FGD2: variants seen among roughly 807,000 people sequenced by gnomAD.
FGD2 encodes FYVE, RhoGEF and PH domain-containing protein 2.
FGD2 carries 52 observed loss-of-function variants against 75.9 expected under a neutral mutation model. The observed-to-expected ratio is 0.69, with a 90% CI of 0.55 to 0.86. The LOEUF is 0.86. Ranked by LOEUF, FGD2 falls within the 40% of genes least tolerant of loss-of-function variation. The probability of loss-of-function intolerance (pLI) is 0.00; values close to 1 mark genes in which losing one functional copy is unlikely to be tolerated. For synonymous variants in FGD2, 347 were observed against 348.6 expected, an observed-to-expected ratio of 1.00 and a Z score of 0.05; for missense variants, 790 against 872.0, an observed-to-expected ratio of 0.91 and a Z score of 1.18.
At chr6:37,019,482 C>A (rs1765459794) in intron 9 of FGD2, among the ~76,000 whole-genome samples, 1 of 152,200 alleles carries the variant, frequency 6.6e-6, no homozygotes, top group South Asian at 2.1e-4. Flanking sequence ...AAAGGCCTGG[C>A]CACCACATGG....
chr6:37,011,064 A>T lies in FGD2; in HGVS notation c.378+14A>T, dbSNP rs763857898. ...CTGCTAGACCAGGCCAGTGACCAGG[A>T]CACCCCCCTCTAGAGCCCCAGCCCT... On this transcript the variant is annotated intron_variant, in intron 3 of 15. Coordinates refer to ENST00000274963, the MANE Select transcript of FGD2 (RefSeq NM_173558.4). The T allele has an allele frequency of 6.2e-7, 1 of 1,613,648 alleles. No homozygotes were observed.
chr6:37,020,496 C>A (rs200949140), intron 9 of FGD2, 45 bp from the exon 10 acceptor site: 1 of 1,554,496 alleles, frequency 6.4e-7, no homozygotes, highest in Admixed American at 1.9e-5. Flanking sequence ...GCCTGGGACC[C>A]GGGCTATGAT....
In FGD2 at chr6:37,005,811, C is replaced by T. The variant is rs1431651502; in HGVS notation, c.-7C>T. 1.1e-5 allele frequency: 17 copies of T among 1,613,594 alleles called. No individual in the cohort carries two copies. The highest frequency in any genetic ancestry group is 1.4e-5 in the Non-Finnish European group (16 of 1,179,894). On this transcript the variant is annotated 5_prime_UTR_variant, in exon 1 of 16. Coordinates refer to ENST00000274963, the MANE Select transcript of FGD2 (RefSeq NM_173558.4). ...GGTAGCTGAGATCCACCCCGGAAAC[C>T]GGCAGGATGAAGGGGGCAAGTGAGG...
chr6:37,012,330 A>G (rs1765051084), intron 4 of FGD2, among the ~76,000 whole-genome samples: 1 of 152,222 alleles, frequency 6.6e-6, no homozygotes, highest in Admixed American at 6.5e-5. Context: ...GTCCTTTAAG[A>G]TCTTTGGCAA....
chr6:37,020,639 C>A lies in FGD2; in HGVS notation c.1202+19C>A, dbSNP rs773650260. On this transcript the variant is annotated intron_variant, in intron 10 of 15. Coordinates refer to ENST00000274963, the MANE Select transcript of FGD2 (RefSeq NM_173558.4). ...AAGCCCGGTAAAGGAGCTGGGGTGG[C>A]GGCCCAGGGCCAGGCGGGAAAACTG... 6.3e-5 allele frequency: 101 copies of A among 1,592,958 alleles called. 1 individual carries two copies. Among genetic ancestry groups the A allele is most frequent in the South Asian group, 2.6e-4 (23 of 87,664 alleles).
At chr6:37,015,078 G>A in intron 8 of FGD2, 40 bp downstream of exon 8, 4 of 1,595,186 alleles carry the variant, frequency 2.5e-6, no homozygotes, top group African/African-American at 1.3e-5. Context: ...ACTGGGGAGG[G>A]AAGTCCATGG....
chr6:37,011,371 G>A, intron 3 of FGD2: 1 of 549,310 alleles, frequency 1.8e-6, no homozygotes, highest in East Asian at 3.1e-5. Flanking sequence ...ACCTTTCATA[G>A]TTTTTCAGGA....
chr6:37,025,182 T>C (rs1456743286), intron 13 of FGD2: 1 of 153,238 alleles, frequency 6.5e-6, no homozygotes, highest in Non-Finnish European at 1.5e-5. Context: ...CTCCACAGAG[T>C]ACCCATGTAA....
At chr6:37,006,380 C>G (rs1764753351) in intron 1 of FGD2, among the ~76,000 whole-genome samples, 1 of 152,150 alleles carries the variant, frequency 6.6e-6, no homozygotes, top group Non-Finnish European at 1.5e-5. Context: ...TGATGGGGTA[C>G]TCCCTACTCT....
In FGD2 at chr6:37,027,951, A is replaced by G; in HGVS notation, c.1756A>G (p.Met586Val). ...CACTGCTCTCTCCTCCCCCCAGGAC[A>G]TGAGGGCTCACACCTCCATCCCCCT... is the stretch of plus-strand genomic sequence containing the variant. ...VLYVYAAPQD[M>V]RAHTSIPLLG... is the part of the protein sequence containing the mutation. Residue 586 changes from methionine (M) to valine (V), a missense_variant, in exon 16 of 16, where the codon ATG becomes GTG. Physicochemically the swap from Met to Val is conservative, Grantham distance 21. Coordinates refer to ENST00000274963, the MANE Select transcript of FGD2 (RefSeq NM_173558.4). The G allele has an allele frequency of 6.2e-7, 1 of 1,613,880 alleles. No individual in the cohort carries two copies. Among genetic ancestry groups the G allele is most frequent in the Non-Finnish European group, 8.5e-7 (1 of 1,179,938 alleles).
At chr6:37,026,544 C>A (rs1445992171) in intron 14 of FGD2, among the ~76,000 whole-genome samples, 2 of 152,316 alleles carry the variant, frequency 1.3e-5, no homozygotes, top group African/African-American at 4.8e-5. Flanking sequence ...GGGGGTACAA[C>A]TGTGCTCAGC....
intron 1 of FGD2, among the ~76,000 whole-genome samples, chr6:37,006,617 C>T (rs79431369): frequency 0.049 from 7,452 of 151,728 alleles, 274 homozygotes; most frequent in Non-Finnish European, 0.08. Flanking sequence ...TGTGTGTGTG[C>T]GCGTGTGTGT....
Position 37,021,496 on chromosome 6 carries a change from C to T in FGD2, c.1234-16C>T, listed in dbSNP as rs371554330. 8.7e-6 allele frequency: 14 copies of T among 1,610,406 alleles called. No homozygotes were observed. The East Asian group carries it at 1.6e-4, about 18-fold the overall frequency. ...CCACACCTCAAGCCCCGACCCTCCC[C>T]CTCCCTGCACCCCAGGCCTTCCAAG... On this transcript the variant is annotated splice_polypyrimidine_tract_variant and intron_variant, in intron 11 of 15. Coordinates refer to ENST00000274963, the MANE Select transcript of FGD2 (RefSeq NM_173558.4).
At chr6:37,022,777 C>T in intron 13 of FGD2, 1 of 184,678 alleles carries the variant, frequency 5.4e-6, no homozygotes, top group East Asian at 1.6e-4. Flanking sequence ...GTGCTGCTGT[C>T]CCCATCTTGG....
intron 13 of FGD2, chr6:37,022,618 A>C (rs1184927816): frequency 2.2e-6 from 1 of 460,294 alleles, no homozygotes; most frequent in Non-Finnish European, 3.7e-6. Flanking sequence ...TGATCCACCT[A>C]GGCCTCCACC....
chr6:37,021,478 T>G lies in FGD2; in HGVS notation c.1234-34T>G, dbSNP rs928936898. On this transcript the variant is annotated intron_variant, in intron 11 of 15. Transcript: ENST00000274963. ...AGGAGCAATCCCTCCCTTCCACACC[T>G]CAAGCCCCGACCCTCCCCCTCCCTG... 3 of 1,587,850 alleles carry G rather than the reference T, an allele frequency of 1.9e-6. No individual in the cohort carries two copies. The African/African-American group carries it at 4.0e-5, about 21-fold the overall frequency.
At chr6:37,011,509 T>G (rs1356389015) in intron 3 of FGD2, 197 bp from the exon 4 acceptor site, 6 of 686,338 alleles carry the variant, frequency 8.7e-6, no homozygotes, top group Non-Finnish European at 1.5e-5. Context: ...CCTGCATCTC[T>G]AGGCTTTGCC....
chr6:37,016,078 G>A (rs995992042), intron 9 of FGD2, among the ~76,000 whole-genome samples: 4 of 152,068 alleles, frequency 2.6e-5, no homozygotes, highest in East Asian at 1.9e-4. Flanking sequence ...CTCCCTTCGC[G>A]GCAGTGCATG....
chr6:37,027,315 C>A, intron 14 of FGD2, 114 bp from the exon 15 acceptor site: 1 of 1,238,532 alleles, frequency 8.1e-7, no homozygotes, highest in Non-Finnish European at 1.1e-6. Flanking sequence ...GGACCAAGGA[C>A]CCCTCCATTC....
Sources: allele counts gnomAD v4.1 joint callset (sites outside exome capture counted in the v4.1 genomes callset), GRCh38; gene constraint gnomAD v4.1.1; transcripts MANE v1.5; gene names NCBI Gene and HGNC (gene_info 2026-07-23, HGNC 2026-07-21).